Variants in PPARGC1A observed in about 807,000 individuals in gnomAD.
The protein encoded by PPARGC1A is peroxisome proliferator-activated receptor gamma coactivator 1-alpha.
A neutral mutation model predicts 88.7 loss-of-function variants in PPARGC1A; 25 were observed. The ratio of observed to expected loss-of-function variants is 0.28; its 90% CI spans 0.21 to 0.39. PPARGC1A has a LOEUF of 0.39. PPARGC1A is among the 10% of genes least tolerant of loss of function. The pLI is 1.00. For synonymous variants in PPARGC1A, 363 were observed against 355.6 expected, an observed-to-expected ratio of 1.02 and a Z score of -0.24; for missense variants, 880 against 968.7, an observed-to-expected ratio of 0.91 and a Z score of 1.22.
chr4:24,129,717 T>C, the PPARGC1A span, among the ~76,000 whole-genome samples: 1 of 152,110 alleles, frequency 6.6e-6, no homozygotes, highest in East Asian at 1.9e-4. Context: ...TGTGGCACTA[T>C]TCACAATAGC....
chr4:23,960,634 T>C, the PPARGC1A span, among the ~76,000 whole-genome samples: 8 of 152,116 alleles, frequency 5.3e-5, no homozygotes, highest in African/African-American at 1.7e-4. Context: ...AATGGCGAAA[T>C]TATCATTATT....
the PPARGC1A span, among the ~76,000 whole-genome samples, chr4:24,211,645 G>C: frequency 6.6e-6 from 1 of 152,120 alleles, no homozygotes; most frequent in African/African-American, 2.4e-5. Context: ...AGATGGACTG[G>C]GATGGAATCC....
the PPARGC1A span, among the ~76,000 whole-genome samples, chr4:23,949,206 AGATG>A: frequency 6.6e-6 from 1 of 152,182 alleles, no homozygotes; most frequent in Non-Finnish European, 1.5e-5. Context: ...CTACATACAT[AGATG>A]AAGTACAATA....
the PPARGC1A span, among the ~76,000 whole-genome samples, chr4:24,166,664 G>A: frequency 6.6e-6 from 1 of 152,212 alleles, no homozygotes; most frequent in South Asian, 2.1e-4. Context: ...AGATAATGAG[G>A]GCCCTTAAGA....
At chr4:24,242,057 G>A in the PPARGC1A span, among the ~76,000 whole-genome samples, 3 of 152,048 alleles carry the variant, frequency 2.0e-5, no homozygotes, top group Non-Finnish European at 2.9e-5. Flanking sequence ...ATTCTCTCCT[G>A]CTTAATAACT....
the PPARGC1A span, among the ~76,000 whole-genome samples, chr4:24,366,238 C>T: frequency 7.1e-6 from 1 of 140,098 alleles, no homozygotes; most frequent in South Asian, 2.3e-4. Context: ...AAATTTTATT[C>T]CGTTTCATTC....
the PPARGC1A span, among the ~76,000 whole-genome samples, chr4:23,938,190 T>C: frequency 6.4e-4 from 97 of 152,270 alleles, no homozygotes; most frequent in African/African-American, 1.9e-3. Context: ...CTGCTAAGTA[T>C]TGCTTCTGGT....
chr4:24,203,472 C>A, the PPARGC1A span, among the ~76,000 whole-genome samples: 1 of 152,086 alleles, frequency 6.6e-6, no homozygotes, highest in African/African-American at 2.4e-5. Flanking sequence ...CCAGAATGAG[C>A]AATGCTTGGG....
At chr4:24,314,287 C>T in the PPARGC1A span, among the ~76,000 whole-genome samples, 2 of 152,128 alleles carry the variant, frequency 1.3e-5, no homozygotes, top group Non-Finnish European at 2.9e-5. Flanking sequence ...AAATGTAACC[C>T]CCATCACAGT....
At chr4:23,821,516 A>G (rs1723010378) in intron 7 of PPARGC1A, among the ~76,000 whole-genome samples, 1 of 152,096 alleles carries the variant, frequency 6.6e-6, no homozygotes, top group Non-Finnish European at 1.5e-5. Context: ...ATAACTTCAT[A>G]TATGAGATTG....
the PPARGC1A span, among the ~76,000 whole-genome samples, chr4:24,437,529 G>A: frequency 1.4e-4 from 21 of 152,254 alleles, no homozygotes; most frequent in South Asian, 8.3e-4. Context: ...GCAACCCCTC[G>A]GGGCTCTGAA....
At chr4:24,238,919 T>C in the PPARGC1A span, among the ~76,000 whole-genome samples, 2 of 152,116 alleles carry the variant, frequency 1.3e-5, no homozygotes, top group Non-Finnish European at 2.9e-5. Flanking sequence ...GCTTGAGACA[T>C]TCTTTGGGAA....
chr4:24,300,649 C>T, the PPARGC1A span, among the ~76,000 whole-genome samples: 5 of 151,984 alleles, frequency 3.3e-5, no homozygotes, highest in Admixed American at 1.3e-4. Context: ...AATTGCCTCC[C>T]TCATATTCAC....
At chr4:24,390,884 T>C in the PPARGC1A span, among the ~76,000 whole-genome samples, 4 of 151,964 alleles carry the variant, frequency 2.6e-5, no homozygotes, top group Non-Finnish European at 4.4e-5. Flanking sequence ...ACATGTAAAA[T>C]TGTCTCAAGC....
chr4:24,308,125 G>A, the PPARGC1A span, among the ~76,000 whole-genome samples: 1 of 151,714 alleles, frequency 6.6e-6, no homozygotes, highest in African/African-American at 2.4e-5. Context: ...AACCCCATCT[G>A]TACTAAAAAT....
At chr4:24,114,001 G>A in the PPARGC1A span, among the ~76,000 whole-genome samples, 4 of 151,824 alleles carry the variant, frequency 2.6e-5, no homozygotes, top group East Asian at 5.9e-4. Context: ...TTGCATGCCT[G>A]TAGTCCCAGC....
the PPARGC1A span, among the ~76,000 whole-genome samples, chr4:23,969,270 G>A: frequency 6.6e-6 from 1 of 152,124 alleles, no homozygotes; most frequent in Admixed American, 6.5e-5. Flanking sequence ...TACTGTGTAC[G>A]CTGTTCTAAA....
chr4:23,947,715 C>A, the PPARGC1A span, among the ~76,000 whole-genome samples: 1 of 152,100 alleles, frequency 6.6e-6, no homozygotes, highest in African/African-American at 2.4e-5. Flanking sequence ...CCATGCCCAA[C>A]ACAAGAGCTG....
the PPARGC1A span, among the ~76,000 whole-genome samples, chr4:24,198,955 C>T: frequency 3.9e-5 from 6 of 152,314 alleles, 1 homozygote; most frequent in African/African-American, 1.2e-4. Flanking sequence ...TCTTCCTCAG[C>T]TGCAGCTGAA....
Sources: gnomAD v4.1 joint callset for allele counts (sites outside exome capture counted in the v4.1 genomes callset) on GRCh38, gnomAD v4.1.1 for gene constraint, MANE v1.5 for transcripts, NCBI Gene and HGNC (gene_info 2026-07-23, HGNC 2026-07-21) for gene names.